Variants in PPP1R16B observed in about 807,000 individuals in gnomAD.
The protein encoded by PPP1R16B is protein phosphatase 1 regulatory subunit 16B.
Under a neutral mutation model 61.7 loss-of-function variants are expected in PPP1R16B, and 14 were observed. The observed-to-expected ratio is 0.23, with a 90% CI of 0.15 to 0.35. The LOEUF (loss-of-function observed/expected upper bound fraction) is 0.35. Ranked by LOEUF, PPP1R16B falls within the 10% of genes least tolerant of loss-of-function variation. The probability of loss-of-function intolerance (pLI) is 1.00; values close to 1 mark genes in which losing one functional copy is unlikely to be tolerated. For synonymous variants in PPP1R16B, 266 were observed against 305.3 expected (o/e 0.87, Z 1.34); for missense variants, 547 against 752.5 (o/e 0.73, Z 3.19).
intron 1 of PPP1R16B, among the ~76,000 whole-genome samples, chr20:38,820,082 T>G (rs1267799726): frequency 1.3e-5 from 2 of 152,178 alleles, no homozygotes; most frequent in Non-Finnish European, 2.9e-5. Flanking sequence ...TTTGCGAGAG[T>G]CATCCATATT....
chr20:38,870,441 T>C (rs919598840), intron 2 of PPP1R16B, among the ~76,000 whole-genome samples: 13 of 151,986 alleles, frequency 8.6e-5, no homozygotes, highest in Non-Finnish European at 1.6e-4. Context: ...GGACAGTGTG[T>C]GTATAGGAAG....
intron 10 of PPP1R16B, among the ~76,000 whole-genome samples, chr20:38,913,853 G>A (rs2085511452): frequency 6.6e-6 from 1 of 152,298 alleles, no homozygotes; most frequent in African/African-American, 2.4e-5. Context: ...GTGAGTCAAA[G>A]TCCAGGATCC....
intron 2 of PPP1R16B, among the ~76,000 whole-genome samples, chr20:38,870,552 G>A (rs2085121736): frequency 6.6e-6 from 1 of 152,154 alleles, no homozygotes; most frequent in Non-Finnish European, 1.5e-5. Flanking sequence ...GGCTAGAGGA[G>A]AGTGTTCTAG....
chr20:38,896,935 T>C (rs1476545014), intron 4 of PPP1R16B, among the ~76,000 whole-genome samples: 1 of 151,854 alleles, frequency 6.6e-6, no homozygotes, highest in Non-Finnish European at 1.5e-5. Context: ...TCACCTGAGG[T>C]CGGGAGTTCG....
chr20:38,869,682 C>G (rs1196560754), intron 2 of PPP1R16B, among the ~76,000 whole-genome samples: 1 of 152,028 alleles, frequency 6.6e-6, no homozygotes, highest in Admixed American at 6.6e-5. Flanking sequence ...TAGTATGGAC[C>G]CTGTGTGAGC....
At chr20:38,870,345 C>A (rs2085120444) in intron 2 of PPP1R16B, among the ~76,000 whole-genome samples, 1 of 152,282 alleles carries the variant, frequency 6.6e-6, no homozygotes. Flanking sequence ...GGGGAAACTA[C>A]AAGTCCACAT....
intron 1 of PPP1R16B, among the ~76,000 whole-genome samples, chr20:38,810,017 AAACTT>A (rs1199942443): frequency 6.6e-6 from 1 of 151,972 alleles, no homozygotes; most frequent in Non-Finnish European, 1.5e-5. Flanking sequence ...CAAAACCAAA[AAACTT>A]AAAAACCCAG....
chr20:38,810,524 G>T (rs1307253743), intron 1 of PPP1R16B, among the ~76,000 whole-genome samples: 1 of 152,222 alleles, frequency 6.6e-6, no homozygotes, highest in Non-Finnish European at 1.5e-5. Context: ...GCACGAAGAA[G>T]AAGAGGTCCA....
chr20:38,810,969 G>A (rs1026061575), intron 1 of PPP1R16B, among the ~76,000 whole-genome samples: 2 of 152,168 alleles, frequency 1.3e-5, no homozygotes, highest in Admixed American at 6.5e-5. Flanking sequence ...GTACCTTTGG[G>A]CGCTGGGCAG....
In PPP1R16B at chr20:38,817,974, G is replaced by A. The variant is rs2145706974; in HGVS notation, c.-102+12182G>A. 1.3e-5 allele frequency among the ~76,000 whole-genome samples: 2 copies of A among 152,258 alleles called. 1 individual carries two copies. The highest frequency in any genetic ancestry group is 4.1e-4 in the South Asian group (2 of 4,820). ...CAGGAGAAAGGCGTGAACCCGGGAG[G>A]CGGAGCCTGCAGTGAGCTGAGATTG... On this transcript the variant is annotated intron_variant, in intron 1 of 10. Coordinates refer to ENST00000299824, the MANE Select transcript of PPP1R16B (RefSeq NM_015568.4).
intron 2 of PPP1R16B, among the ~76,000 whole-genome samples, chr20:38,862,328 A>G (rs1251201209): frequency 6.6e-6 from 1 of 152,216 alleles, no homozygotes; most frequent in Non-Finnish European, 1.5e-5. Context: ...GGCAGAAACT[A>G]TAAGGCGGAG....
rs1006030032 is a variant in PPP1R16B, at chr20:38,867,051, C to A, written c.251-22544C>A. On this transcript the variant is annotated intron_variant, in intron 2 of 10. Transcript: ENST00000299824. Reference sequence around the variant, plus strand: ...TTCTTTCACTTGGCGTAATGTTTTTCGGGTTCATCCACGCTGTAGCATGTG... The same window carrying A: ...TTCTTTCACTTGGCGTAATGTTTTTAGGGTTCATCCACGCTGTAGCATGTG... Among the ~76,000 whole-genome samples, 6 of 152,176 alleles carry A rather than the reference C, an allele frequency of 3.9e-5. No individual in the cohort carries two copies. In the East Asian group the frequency reaches 1.2e-3, roughly 29 times the overall value.
chr20:38,903,017 G>A (rs565212390), intron 6 of PPP1R16B, among the ~76,000 whole-genome samples: 1 of 152,270 alleles, frequency 6.6e-6, no homozygotes, highest in South Asian at 2.1e-4. Context: ...GCTCACACCT[G>A]TAGTCCCAGC....
Position 38,895,938 on chromosome 20 carries a change from TTCTTCCCTCCCTC to T in PPP1R16B, c.467+229_467+241del, listed in dbSNP as rs1267199305. Among the ~76,000 whole-genome samples, 22 of 93,074 alleles carry T rather than the reference TTCTTCCCTCCCTC, an allele frequency of 2.4e-4. 1 individual carries two copies. The highest frequency in any genetic ancestry group is 3.9e-4 in the Non-Finnish European group (18 of 46,572). The allele number at this position is 93,074 out of a possible 152,430, so 61.1% of individuals were successfully genotyped here. Reference sequence around the variant, plus strand: ...CTTCCCTCCCTCCCTCCTTCCTTCTTTCTTCCCTCCCTCCCTCCTTTCTTCTTTCTTCCCTCCC... The same window carrying T: ...CTTCCCTCCCTCCCTCCTTCCTTCTTCCTCCTTTCTTCTTTCTTCCCTCCC... On this transcript the variant is annotated intron_variant, in intron 4 of 10. Transcript: ENST00000299824.
At chr20:38,813,352 TG>T (rs2084713493) in intron 1 of PPP1R16B, among the ~76,000 whole-genome samples, 1 of 152,246 alleles carries the variant, frequency 6.6e-6, no homozygotes, top group Admixed American at 6.5e-5. Context: ...TACAGATGCC[TG>T]GGCCTTAGCC....
rs1281513973 is a variant in PPP1R16B at position 38,898,020 on chromosome 20, A to G, written c.467+2310A>G. Among the ~76,000 whole-genome samples, 7 of 152,230 alleles carry G rather than the reference A, an allele frequency of 4.6e-5. No homozygotes were observed. The East Asian group carries it at 7.7e-4, about 17-fold the overall frequency. On this transcript the variant is annotated intron_variant, in intron 4 of 10. Coordinates refer to ENST00000299824, the MANE Select transcript of PPP1R16B (RefSeq NM_015568.4). Reference sequence around the variant, plus strand: ...GAATCCCTTATCAGATAGACGTACTATTTTCTCCCATTCTATAGGATGTCT... The same window carrying G: ...GAATCCCTTATCAGATAGACGTACTGTTTTCTCCCATTCTATAGGATGTCT...
intron 10 of PPP1R16B, among the ~76,000 whole-genome samples, chr20:38,909,694 G>A (rs1161788826): frequency 6.6e-6 from 1 of 152,214 alleles, no homozygotes; most frequent in African/African-American, 2.4e-5. Flanking sequence ...GTCTCAGAGG[G>A]ACCCTGCTTC....
Position 38,907,147 on chromosome 20 carries a change from G to T in PPP1R16B, c.898+93G>T. On this transcript the variant is annotated intron_variant, in intron 8 of 10. Coordinates refer to ENST00000299824, the MANE Select transcript of PPP1R16B (RefSeq NM_015568.4). The surrounding 1 kb of genome is among the most constrained non-coding windows in gnomAD (Gnocchi z 4.5). ...AAATAGATAAATATATGGTTGTATA[G>T]ATTGATGGATTGGTGTCTAGATAGA... 1 of 997,794 alleles carries T rather than the reference G, an allele frequency of 1.0e-6. No individual in the cohort carries two copies. The highest frequency in any genetic ancestry group is 1.6e-6 in the Non-Finnish European group (1 of 634,960). 61.8% of individuals were successfully genotyped at this position (997,794 alleles called of 1,614,324 possible). A position where few individuals can be genotyped will look rare whatever the true frequency, so the allele number is the denominator to read the frequency against.
chr20:38,871,443 C>G (rs1407064516), intron 2 of PPP1R16B, among the ~76,000 whole-genome samples: 1 of 151,986 alleles, frequency 6.6e-6, no homozygotes, highest in Non-Finnish European at 1.5e-5. Context: ...TTGTGGACAC[C>G]TGCTTTGTGC....
Sources: allele counts gnomAD v4.1 joint callset (sites outside exome capture counted in the v4.1 genomes callset), GRCh38; gene constraint gnomAD v4.1.1; non-coding constraint Gnocchi (gnomAD v3.1); transcripts MANE v1.5; gene names NCBI Gene and HGNC (gene_info 2026-07-23, HGNC 2026-07-21).